Variants in OR51B5 observed in about 807,000 individuals in gnomAD.
OR51B5 encodes the protein olfactory receptor family 51 subfamily B member 5.
For synonymous variants in OR51B5, 186 were observed against 144.8 expected, an observed-to-expected ratio of 1.28 and a Z score of -2.04; for missense variants, 456 against 374.6, an observed-to-expected ratio of 1.22 and a Z score of -1.79.
chr11:5,462,992 A>G (rs1851081918), intron 1 of OR51B5, among the ~76,000 whole-genome samples: 1 of 152,234 alleles, frequency 6.6e-6, no homozygotes, highest in African/African-American at 2.4e-5. Flanking sequence ...TAGGAGGACT[A>G]TTAAGCAAAT....
intron 1 of OR51B5, among the ~76,000 whole-genome samples, chr11:5,388,577 T>G (rs2736534): frequency 1.4e-5 from 2 of 147,244 alleles, no homozygotes; most frequent in Non-Finnish European, 3.0e-5. Flanking sequence ...AAGAATTGTT[T>G]AGTGTCATTA....
chr11:5,454,443 T>C (rs767898532), intron 1 of OR51B5: 1 of 1,581,748 alleles, frequency 6.3e-7, no homozygotes, highest in Admixed American at 1.7e-5. Flanking sequence ...ACACTTGGCT[T>C]TAGAATCTGT....
intron 1 of OR51B5, among the ~76,000 whole-genome samples, chr11:5,446,812 T>A (rs1850771242): frequency 6.6e-6 from 1 of 152,166 alleles, no homozygotes; most frequent in East Asian, 1.9e-4. Flanking sequence ...TAGAGTGTGA[T>A]CACTGCCTTC....
rs560066937 is a variant in OR51B5, at chr11:5,388,139, A to G, written n.85-41229T>C. The stretch of plus-strand genomic sequence containing the variant: ...ATATTGAAATAATTATTGAAATAAG[A>G]TTAATGGTAATGATACATATTTAAT... On this transcript the variant is annotated intron_variant and non_coding_transcript_variant, in intron 1 of 4. Transcript: ENST00000415970. Among the ~76,000 whole-genome samples the G allele has an allele frequency of 5.3e-5, 8 of 152,284 alleles. No homozygotes were observed. In the South Asian group the frequency reaches 1.7e-3, roughly 32 times the overall value.
chr11:5,501,592 C>T (rs565394861), intron 1 of OR51B5, among the ~76,000 whole-genome samples: 10 of 147,750 alleles, frequency 6.8e-5, no homozygotes, highest in African/African-American at 1.9e-4. Context: ...ACACACCAAG[C>T]GCCCAACTTA....
chr11:5,349,660 A>C (rs1849045556), intron 1 of OR51B5, among the ~76,000 whole-genome samples: 2 of 152,322 alleles, frequency 1.3e-5, no homozygotes, highest in East Asian at 1.9e-4. Flanking sequence ...TTATATACCT[A>C]TGTACAATTT....
At chr11:5,418,875 T>TAAAAAAAAA (rs771135057) in intron 1 of OR51B5, among the ~76,000 whole-genome samples, 1 of 22,262 alleles carries the variant, frequency 4.5e-5, no homozygotes. Context: ...CTTGAAGTAT[T>TAAAAAAAAA]ATAAAAAAAA....
At chr11:5,351,950 C>T in intron 1 of OR51B5, 2 of 1,613,060 alleles carry the variant, frequency 1.2e-6, no homozygotes, top group Non-Finnish European at 8.5e-7. Context: ...CGGGTATTGA[C>T]AAGGGCTGGT....
intron 1 of OR51B5, chr11:5,389,372 A>G (rs372112594): frequency 1.2e-6 from 2 of 1,600,324 alleles, no homozygotes; most frequent in Non-Finnish European, 8.5e-7. Flanking sequence ...AGAAATATCC[A>G]TTTATTTTCA....
At chr11:5,343,473 A>G (rs574030611) in exon 1 of OR51B5, 1 of 1,522,026 alleles carries the variant, frequency 6.6e-7, no homozygotes, top group South Asian at 1.2e-5. Context: ...GCTTCCTCCA[A>G]GCCTGGAAAA....
intron 1 of OR51B5, among the ~76,000 whole-genome samples, chr11:5,356,937 G>T (rs1433378668): frequency 1.3e-5 from 2 of 151,456 alleles, no homozygotes; most frequent in Non-Finnish European, 2.9e-5. Flanking sequence ...GAGAGATTTT[G>T]TCATCACCAG....
At chr11:5,440,708 A>T in intron 1 of OR51B5, 1 of 1,613,980 alleles carries the variant, frequency 6.2e-7, no homozygotes, top group Non-Finnish European at 8.5e-7. Context: ...CAGGTGGAGC[A>T]CTTTTCCAGA....
At chr11:5,453,649 GCCTC>G (rs756151657) in intron 1 of OR51B5, 1 of 1,613,498 alleles carries the variant, frequency 6.2e-7, no homozygotes, top group Non-Finnish European at 8.5e-7. Flanking sequence ...GTGGAGCCCA[GCCTC>G]CATGAGCCCA....
At chr11:5,405,979 T>C (rs949042015) in intron 1 of OR51B5, among the ~76,000 whole-genome samples, 1 of 152,120 alleles carries the variant, frequency 6.6e-6, no homozygotes, top group African/African-American at 2.4e-5. Context: ...AATAAGACAG[T>C]GATTATTTCC....
upstream of OR51B5, among the ~76,000 whole-genome samples, chr11:5,347,484 A>G (rs1179081282): frequency 7.4e-5 from 10 of 135,374 alleles, no homozygotes; most frequent in Admixed American, 6.9e-4. Flanking sequence ...TGCAGCAGGC[A>G]TACTCATCAC....
At chr11:5,455,601 A>AGAGAAAG (rs1564819363) in intron 1 of OR51B5, 2 of 100,306 alleles carry the variant, frequency 2.0e-5, no homozygotes, top group African/African-American at 6.9e-5. Flanking sequence ...GAAAGAGAAA[A>AGAGAAAG]AGAGAAAGAG....
At chr11:5,415,839 C>G (rs1475218920) in intron 1 of OR51B5, among the ~76,000 whole-genome samples, 1 of 151,880 alleles carries the variant, frequency 6.6e-6, no homozygotes, top group African/African-American at 2.4e-5. Flanking sequence ...CTGAATTCTA[C>G]CAGAGGTACA....
intron 1 of OR51B5, among the ~76,000 whole-genome samples, chr11:5,402,226 G>A (rs2467224): frequency 6.6e-6 from 1 of 151,772 alleles, no homozygotes; most frequent in Non-Finnish European, 1.5e-5. Flanking sequence ...TGTTGCCTAA[G>A]CTGGTCTCAA....
intron 1 of OR51B5, chr11:5,383,910 A>G (rs940125635): frequency 2.6e-5 from 4 of 152,116 alleles, no homozygotes; most frequent in African/African-American, 7.3e-5. Context: ...TTTTGTTATT[A>G]CCTGCTGGTG....
Sources: allele counts gnomAD v4.1 joint callset (sites outside exome capture counted in the v4.1 genomes callset), GRCh38; gene constraint gnomAD v4.1.1; transcripts MANE v1.5; gene names NCBI Gene and HGNC (gene_info 2026-07-23, HGNC 2026-07-21).